The following PPIP5K1 variants were observed in gnomAD, a reference collection of about 807,000 sequenced individuals.
The protein encoded by PPIP5K1 is diphosphoinositol pentakisphosphate kinase 1, also known as inositol hexakisphosphate and diphosphoinositol-pentakisphosphate kinase 1.
A neutral mutation model predicts 27.7 loss-of-function variants in PPIP5K1; 6 were observed. That is an observed-to-expected ratio of 0.22 (90% CI 0.12 to 0.43). PPIP5K1 has a LOEUF of 0.43. Ranked by LOEUF, PPIP5K1 falls within the 20% of genes least tolerant of loss-of-function variation. The probability of loss-of-function intolerance (pLI) is 1.00; values close to 1 mark genes in which losing one functional copy is unlikely to be tolerated. For missense variants in PPIP5K1, 394 were observed against 635.4 expected, an observed-to-expected ratio of 0.62 and a Z score of 4.08; for synonymous variants, 145 against 242.6, an observed-to-expected ratio of 0.60 and a Z score of 3.74.
intron 30 of PPIP5K1, among the ~76,000 whole-genome samples, chr15:43,555,655 G>A (rs1466032542): frequency 6.6e-6 from 1 of 151,320 alleles, no homozygotes; most frequent in Non-Finnish European, 1.5e-5. Context: ...TGCCCAGGCT[G>A]GAGTACAGTG....
At chr15:43,550,110 A>G (rs2082006939) in intron 30 of PPIP5K1, among the ~76,000 whole-genome samples, 2 of 152,080 alleles carry the variant, frequency 1.3e-5, no homozygotes, top group South Asian at 4.2e-4. Flanking sequence ...CCGGCCCACA[A>G]GATTTTTGTG....
chr15:43,539,418 T>A (rs1261993036), intron 31 of PPIP5K1, 52 bp downstream of exon 31: 4 of 1,309,372 alleles, frequency 3.1e-6, no homozygotes, highest in Non-Finnish European at 4.3e-6. Context: ...CATTCACCAA[T>A]CACTCCAGTC....
intron 30 of PPIP5K1, among the ~76,000 whole-genome samples, chr15:43,543,415 T>TAAAC (rs544678749): frequency 1.9e-4 from 29 of 149,758 alleles, no homozygotes; most frequent in South Asian, 8.5e-4. Flanking sequence ...TAAAGTATAA[T>TAAAC]AAACAAACAA....
intron 31 of PPIP5K1, among the ~76,000 whole-genome samples, chr15:43,535,852 T>A (rs1240791464): frequency 2.6e-5 from 4 of 152,094 alleles, no homozygotes; most frequent in Non-Finnish European, 2.9e-5. Flanking sequence ...CATGAAAAAA[T>A]TTTTTAAAAT....
intron 11 of PPIP5K1, among the ~76,000 whole-genome samples, chr15:43,578,535 CAAAAAAAAAAAAAAA>C (rs150737493): frequency 3.4e-5 from 1 of 29,606 alleles, no homozygotes; most frequent in South Asian, 1.2e-3. Context: ...GATCCTGTCG[CAAAAAAAAAAAAAAA>C]AAAAAAAAAG....
At chr15:43,549,512 C>A (rs772664867) in intron 30 of PPIP5K1, among the ~76,000 whole-genome samples, 1 of 151,540 alleles carries the variant, frequency 6.6e-6, no homozygotes, top group Non-Finnish European at 1.5e-5. Context: ...AATTAGCCAG[C>A]CGTGGTGGCA....
intron 30 of PPIP5K1, among the ~76,000 whole-genome samples, chr15:43,553,181 A>G (rs1022241806): frequency 6.6e-6 from 1 of 152,142 alleles, no homozygotes; most frequent in Non-Finnish European, 1.5e-5. Context: ...AAATTTATAG[A>G]TACTTGTTTT....
intron 30 of PPIP5K1, among the ~76,000 whole-genome samples, chr15:43,550,093 A>C (rs924699550): frequency 1.3e-5 from 2 of 152,006 alleles, no homozygotes; most frequent in Non-Finnish European, 2.9e-5. Context: ...GGTACAAGCC[A>C]CTGAGCCCGG....
intron 26 of PPIP5K1, among the ~76,000 whole-genome samples, chr15:43,565,627 G>A (rs2084100353): frequency 1.5e-5 from 2 of 130,766 alleles, no homozygotes; most frequent in South Asian, 2.7e-4. Context: ...ATAGCTCACT[G>A]CAGCCTTGGT....
At chr15:43,549,110 T>C (rs2915788) in intron 30 of PPIP5K1, among the ~76,000 whole-genome samples, 36,337 of 136,230 alleles carry the variant, frequency 0.27, 8,671 homozygotes, top group African/African-American at 0.64. Context: ...AGACAGGGCC[T>C]TATGTTGCCT....
Position 43,535,420 on chromosome 15 carries a change from C to T in PPIP5K1, c.3727G>A (p.Val1243Ile). 1.2e-6 allele frequency: 2 copies of T among 1,612,848 alleles called. No homozygotes were observed. The highest frequency in any genetic ancestry group is 1.7e-6 in the Non-Finnish European group (2 of 1,179,388). ...AAGCCAAATTGGGAGTTACCATCTA[C>T]TGTAGTAGGGGAAGAAGGACCAGCA... is the stretch of plus-strand genomic sequence containing the variant. ...SSAGPSSPTTVDGNSQFGFSD... is the reference protein window; with the variant it reads ...SSAGPSSPTTIDGNSQFGFSD... Residue 1243 changes from valine to isoleucine, a missense_variant, in exon 32 of 32, where the codon GTA becomes ATA. Transcript: ENST00000420765.
rs2079507383 is a variant in PPIP5K1, at chr15:43,533,683, CAACTACAG to C, written c.*983_*990del. 6.6e-6 allele frequency: 1 copy of C among 152,206 alleles called. No homozygotes were observed. Among genetic ancestry groups the C allele is most frequent in the African/African-American group, 2.4e-5 (1 of 41,286 alleles). The allele number at this position is 152,206 out of a possible 1,614,324, so 9.4% of individuals were successfully genotyped here. ...GTCTTTGGCCAGTCTGTCCCTGGCACAACTACAGAAATAAATATATATATATATATTTA... is the reference window on the plus strand; with the variant it reads ...GTCTTTGGCCAGTCTGTCCCTGGCACAAATAAATATATATATATATATTTA... On this transcript the variant is annotated 3_prime_UTR_variant, in exon 32 of 32. Transcript: ENST00000420765.
intron 30 of PPIP5K1, among the ~76,000 whole-genome samples, chr15:43,540,166 C>A (rs906129941): frequency 9.9e-5 from 15 of 151,578 alleles, no homozygotes; most frequent in African/African-American, 3.2e-4. Context: ...GCTTGAGAAT[C>A]GCTTGAACTT....
intron 29 of PPIP5K1, among the ~76,000 whole-genome samples, chr15:43,559,347 G>C (rs1176529317): frequency 6.6e-6 from 1 of 152,198 alleles, no homozygotes; most frequent in Non-Finnish European, 1.5e-5. Flanking sequence ...GGAAGAAACA[G>C]CAGATTTTGG....
intron 30 of PPIP5K1, among the ~76,000 whole-genome samples, chr15:43,544,485 T>C (rs2081132259): frequency 1.3e-5 from 2 of 152,214 alleles, no homozygotes; most frequent in Admixed American, 1.3e-4. Context: ...AATGTCCCAA[T>C]GAATAACTGT....
Position 43,558,839 on chromosome 15 carries a change from C to A in PPIP5K1, c.3512G>T (p.Arg1171Ile). 6.2e-7 allele frequency: 1 copy of A among 1,614,132 alleles called. No individual in the cohort carries two copies. The highest frequency in any genetic ancestry group is 8.5e-7 in the Non-Finnish European group (1 of 1,180,036). ...GGCATCAGTGTGGCGCTGGCAGACT[C>A]TACTCAAGAATTCACTCACTTGACG... ...SLRQVSEFLSRVCQRHTDAQA... is the reference protein window; with the variant it reads ...SLRQVSEFLSIVCQRHTDAQA... Residue 1171 changes from arginine (R) to isoleucine (I), a missense_variant, in exon 30 of 32, where the codon AGA becomes ATA. Around this residue, in one of 4 missense-constraint regions of PPIP5K1, gnomAD observed 379 missense variants for 423.9 expected, o/e 0.89. Transcript: ENST00000420765.
rs779768006 is a variant in PPIP5K1, at chr15:43,534,793, G to C, written c.4354C>G (p.Gln1452Glu). ...AACAGATTGATCGCAGAAGTCTCCT[G>C]GGCCAGCCTGCCAACCTCCACAGAG... ...EFSVEVGRLA[Q>E]ETSAINLLSQ... Residue 1452 changes from glutamine (Q) to glutamate (E), a missense_variant, in exon 32 of 32, where the codon CAG (glutamine) becomes GAG (glutamate). Physicochemically the swap from Gln to Glu is conservative, Grantham distance 29. This residue lies in a region of PPIP5K1 where 379 missense variants were observed against 423.9 expected (regional missense o/e 0.89). Coordinates refer to ENST00000420765, the MANE Select transcript of PPIP5K1 (RefSeq NM_001394395.1). 11 of 1,597,604 alleles carry C rather than the reference G, an allele frequency of 6.9e-6. No individual in the cohort carries two copies. In the South Asian group the frequency reaches 1.3e-4, roughly 18 times the overall value.
intron 30 of PPIP5K1, among the ~76,000 whole-genome samples, chr15:43,552,978 G>A (rs1008390809): frequency 2.0e-5 from 3 of 151,868 alleles, no homozygotes; most frequent in South Asian, 2.1e-4. Flanking sequence ...GGAGGTTGCA[G>A]TGAGCTGAGA....
At chr15:43,558,003 A>G (rs1164728861) in intron 30 of PPIP5K1, among the ~76,000 whole-genome samples, 2 of 151,176 alleles carry the variant, frequency 1.3e-5, no homozygotes, top group Non-Finnish European at 2.9e-5. Flanking sequence ...GTATTTTTCA[A>G]TGAAAACTTT....
Sources: allele counts gnomAD v4.1 joint callset (sites outside exome capture counted in the v4.1 genomes callset), GRCh38; gene constraint gnomAD v4.1.1; regional missense constraint gnomAD v4.1.1; transcripts MANE v1.5; gene names NCBI Gene and HGNC (gene_info 2026-07-23, HGNC 2026-07-21).